Variants in RNFT2 observed in about 807,000 individuals in gnomAD.
RNFT2 encodes the protein ring finger protein, transmembrane 2, also known as E3 ubiquitin-protein ligase RNFT2.
Under a neutral mutation model 53.0 loss-of-function variants are expected in RNFT2, and 36 were observed. That is an observed-to-expected ratio of 0.68 (90% confidence interval 0.52 to 0.90). The LOEUF (loss-of-function observed/expected upper bound fraction) is 0.90. RNFT2 is among the 40% of genes least tolerant of loss of function. The pLI is 0.00. For missense variants in RNFT2, 514 were observed against 585.6 expected (o/e 0.88, Z 1.26); for synonymous variants, 260 against 253.2 (o/e 1.03, Z -0.26).
intron 7 of RNFT2, among the ~76,000 whole-genome samples, chr12:116,819,776 G>T (rs1460009981): frequency 6.6e-6 from 1 of 152,106 alleles, no homozygotes; most frequent in Non-Finnish European, 1.5e-5. Flanking sequence ...ACATACTGTG[G>T]AGTGCCCTAA....
chr12:116,767,443 C>T (rs1872968831), intron 6 of RNFT2, among the ~76,000 whole-genome samples: 1 of 152,012 alleles, frequency 6.6e-6, no homozygotes, highest in Non-Finnish European at 1.5e-5. Context: ...GGGCTCGGAC[C>T]TCTGAGCTCA....
Position 116,740,325 on chromosome 12 carries a change from AG to A in RNFT2, c.-153-18del. 1 of 616,866 alleles carries A rather than the reference AG, an allele frequency of 1.6e-6. No individual in the cohort carries two copies. The highest frequency in any genetic ancestry group is 1.8e-5 in the South Asian group (1 of 54,378). 38.2% of individuals were successfully genotyped at this position (616,866 alleles called of 1,614,324 possible). On this transcript the variant is annotated intron_variant, in intron 1 of 10. Transcript: ENST00000257575. ...AAGGTATCGCAGGGACTGTTCATCC[AG>A]GTGTTCTGTTCCATCCAGGTTTGGA...
chr12:116,838,033 A>G (rs1159801385), intron 10 of RNFT2, among the ~76,000 whole-genome samples: 4 of 151,860 alleles, frequency 2.6e-5, no homozygotes, highest in African/African-American at 9.7e-5. Flanking sequence ...AAAAAAAAAC[A>G]TAAGTTATAG....
rs188162766 is a variant in RNFT2, at chr12:116,767,476, C to T, written c.728+562C>T. Among the ~76,000 whole-genome samples, 292 of 152,318 alleles carry T rather than the reference C, an allele frequency of 1.9e-3. 1 individual carries two copies. The highest frequency in any genetic ancestry group is 5.4e-3 in the African/African-American group (225 of 41,574). On this transcript the variant is annotated intron_variant, in intron 6 of 10. Transcript: ENST00000257575. Reference sequence around the variant, plus strand: ...TCAGGCAATCCACCTGCCTTGGCCTCCCAAAGTGCTGGGATTGATTACAGG... The same window carrying T: ...TCAGGCAATCCACCTGCCTTGGCCTTCCAAAGTGCTGGGATTGATTACAGG...
At chr12:116,750,837 T>TTAC (rs1872176546) in intron 4 of RNFT2, among the ~76,000 whole-genome samples, 1 of 28,006 alleles carries the variant, frequency 3.6e-5, no homozygotes, top group African/African-American at 7.9e-5. Context: ...ATAATATATA[T>TTAC]ATTATATATA....
chr12:116,852,704 G>A lies in RNFT2; in HGVS notation c.*3256G>A. The A allele has an allele frequency of 6.2e-7, 1 of 1,613,896 alleles. No individual in the cohort carries two copies. The highest frequency in any genetic ancestry group is 8.5e-7 in the Non-Finnish European group (1 of 1,179,786). On this transcript the variant is annotated 3_prime_UTR_variant, in exon 11 of 11. Coordinates refer to ENST00000257575, the MANE Select transcript of RNFT2 (RefSeq NM_001382266.1). ...GCTGGAGAAGATTGATGAAAGTGCA[G>A]GTGTGTAAGGAAATAGAACAGTCTG... is the stretch of plus-strand genomic sequence containing the variant.
intron 5 of RNFT2, among the ~76,000 whole-genome samples, chr12:116,759,552 T>C (rs1436412766): frequency 6.6e-6 from 1 of 152,210 alleles, no homozygotes; most frequent in Non-Finnish European, 1.5e-5. Flanking sequence ...CCAGGGGGTT[T>C]TCCCTCTTTT....
At chr12:116,848,570 C>T (rs534152208) in intron 10 of RNFT2, among the ~76,000 whole-genome samples, 2 of 152,260 alleles carry the variant, frequency 1.3e-5, no homozygotes, top group Non-Finnish European at 1.5e-5. Flanking sequence ...CTCCCATCCA[C>T]CCCAACAACC....
intron 6 of RNFT2, among the ~76,000 whole-genome samples, chr12:116,772,376 G>A (rs186364107): frequency 2.4e-4 from 37 of 152,174 alleles, no homozygotes; most frequent in Admixed American, 1.8e-3. Context: ...GTGCGATCTC[G>A]GCTCACTGCA....
At chr12:116,743,318 G>C (rs1056801179) in intron 3 of RNFT2, among the ~76,000 whole-genome samples, 3 of 146,914 alleles carry the variant, frequency 2.0e-5, no homozygotes, top group African/African-American at 7.5e-5. Flanking sequence ...CAAGGCTGGA[G>C]TGCAGTAGTA....
At chr12:116,751,098 T>C (rs892571976) in intron 4 of RNFT2, among the ~76,000 whole-genome samples, 8 of 150,630 alleles carry the variant, frequency 5.3e-5, no homozygotes, top group South Asian at 2.1e-4. Context: ...AATTTTTTCA[T>C]AGAGTCGAAG....
chr12:116,776,715 G>T (rs1040215825), intron 6 of RNFT2, among the ~76,000 whole-genome samples: 1 of 152,174 alleles, frequency 6.6e-6, no homozygotes, highest in Non-Finnish European at 1.5e-5. Flanking sequence ...ATTCTATGCT[G>T]AGTGTACTTC....
At chr12:116,796,187 G>A (rs1231658662) in intron 7 of RNFT2, among the ~76,000 whole-genome samples, 1 of 151,928 alleles carries the variant, frequency 6.6e-6, no homozygotes, top group East Asian at 1.9e-4. Flanking sequence ...GGGATTACAG[G>A]TGTGAGCCAC....
chr12:116,806,383 T>A lies in RNFT2; in HGVS notation c.882+27035T>A, dbSNP rs1194685742. Reference sequence around the variant, plus strand: ...AGACTGTCTCAAAAAAAAAAAAAAATATATATATATATATATAGATAGATA... The same window carrying A: ...AGACTGTCTCAAAAAAAAAAAAAAAAATATATATATATATATAGATAGATA... On this transcript the variant is annotated intron_variant, in intron 7 of 10. Coordinates refer to ENST00000257575, the MANE Select transcript of RNFT2 (RefSeq NM_001382266.1). 8.5e-3 allele frequency among the ~76,000 whole-genome samples: 1,053 copies of A among 124,264 alleles called. 25 individuals carry two copies. The highest frequency in any genetic ancestry group is 0.032 in the African/African-American group (934 of 29,510). 81.5% of individuals were successfully genotyped at this position (124,264 alleles called of 152,430 possible).
At chr12:116,769,557 T>G (rs549980977) in intron 6 of RNFT2, among the ~76,000 whole-genome samples, 2 of 152,154 alleles carry the variant, frequency 1.3e-5, no homozygotes, top group South Asian at 4.2e-4. Flanking sequence ...AACAAAAAAT[T>G]TTAAAAATAG....
At chr12:116,772,969 C>T (rs1240879456) in intron 6 of RNFT2, among the ~76,000 whole-genome samples, 4 of 152,168 alleles carry the variant, frequency 2.6e-5, no homozygotes, top group African/African-American at 7.2e-5. Flanking sequence ...GCTAGGACTA[C>T]AGACACATGC....
chr12:116,788,534 C>T (rs1215161016), intron 7 of RNFT2, among the ~76,000 whole-genome samples: 1 of 152,176 alleles, frequency 6.6e-6, no homozygotes, highest in East Asian at 1.9e-4. Flanking sequence ...AGGACTCCTA[C>T]AGCACCCTAT....
chr12:116,849,642 G>A lies in RNFT2; in HGVS notation c.*194G>A. The A allele has an allele frequency of 3.0e-6, 4 of 1,317,926 alleles. No homozygotes were observed. Among genetic ancestry groups the A allele is most frequent in the Non-Finnish European group, 3.9e-6 (4 of 1,030,698 alleles). 81.6% of individuals were successfully genotyped at this position (1,317,926 alleles called of 1,614,324 possible). A position where few individuals can be genotyped will look rare whatever the true frequency, so the allele number is the denominator to read the frequency against. Reference sequence around the variant, plus strand: ...TTCCTCTCTCGTTCTGTGGTATAGTGCGTGCCTCCTTCCCCTGCAAAAGGG... The same window carrying A: ...TTCCTCTCTCGTTCTGTGGTATAGTACGTGCCTCCTTCCCCTGCAAAAGGG... On this transcript the variant is annotated 3_prime_UTR_variant, in exon 11 of 11. Transcript: ENST00000257575.
intron 3 of RNFT2, among the ~76,000 whole-genome samples, chr12:116,746,295 A>G (rs1176482763): frequency 6.6e-6 from 1 of 152,114 alleles, no homozygotes; most frequent in Non-Finnish European, 1.5e-5. Context: ...GGGCCCACCC[A>G]TAAAGATTTT....
Sources: allele counts gnomAD v4.1 joint callset (sites outside exome capture counted in the v4.1 genomes callset), GRCh38; gene constraint gnomAD v4.1.1; transcripts MANE v1.5; gene names NCBI Gene and HGNC (gene_info 2026-07-23, HGNC 2026-07-21).